The following LINGO2 variants were observed in gnomAD, a reference collection of about 807,000 sequenced individuals.
The protein encoded by LINGO2 is leucine-rich repeat and immunoglobulin-like domain-containing nogo receptor-interacting protein 2.
A neutral mutation model predicts 30.6 loss-of-function variants in LINGO2; 14 were observed. The ratio of observed to expected loss-of-function variants is 0.46; its 90% CI spans 0.30 to 0.72. The LOEUF (loss-of-function observed/expected upper bound fraction) is 0.72, where lower values mean the gene tolerates loss of function less well. Among genes scored for constraint, LINGO2 ranks in the 30% least tolerant of loss-of-function variants. LINGO2 has a pLI of 0.07. For synonymous variants in LINGO2, 317 were observed against 288.5 expected (o/e 1.10, Z -1.00); for missense variants, 729 against 751.7 (o/e 0.97, Z 0.35).
chr9:28,028,317 A>C (rs767571867), intron 4 of LINGO2, among the ~76,000 whole-genome samples: 1 of 152,116 alleles, frequency 6.6e-6, no homozygotes, highest in African/African-American at 2.4e-5. Context: ...TCTTTATTTC[A>C]TCGATTCTCA....
chr9:29,075,013 C>G, the LINGO2 span, among the ~76,000 whole-genome samples: 48 of 152,024 alleles, frequency 3.2e-4, 1 homozygote, highest in African/African-American at 1.2e-3. Flanking sequence ...TTATCATATT[C>G]ATAAATACAC....
intron 4 of LINGO2, among the ~76,000 whole-genome samples, chr9:28,014,881 ACT>A (rs1265434800): frequency 1.3e-5 from 2 of 152,100 alleles, no homozygotes; most frequent in East Asian, 3.8e-4. Context: ...AATTTAGAAA[ACT>A]CTCCAAATAA....
intron 4 of LINGO2, among the ~76,000 whole-genome samples, chr9:28,211,798 G>C (rs1820601589): frequency 6.6e-6 from 1 of 151,154 alleles, no homozygotes; most frequent in Non-Finnish European, 1.5e-5. Context: ...ATTCAGGAGA[G>C]GTTGTCTCCT....
At chr9:28,427,732 G>A (rs74591805) in intron 2 of LINGO2, among the ~76,000 whole-genome samples, 4,821 of 152,100 alleles carry the variant, frequency 0.032, 105 homozygotes, top group Middle Eastern at 0.058. Context: ...CAATGTGTTC[G>A]TTCCAAAGGT....
the LINGO2 span, among the ~76,000 whole-genome samples, chr9:28,999,242 A>G: frequency 6.6e-6 from 1 of 152,106 alleles, no homozygotes; most frequent in Admixed American, 6.6e-5. Context: ...CAGCATAATG[A>G]TAACTCTATC....
the LINGO2 span, among the ~76,000 whole-genome samples, chr9:29,195,248 T>C: frequency 6.6e-6 from 1 of 152,144 alleles, no homozygotes; most frequent in Non-Finnish European, 1.5e-5. Context: ...GATACCACAG[T>C]CTGTTTAACC....
chr9:28,305,332 C>A (rs1824303124), intron 3 of LINGO2, among the ~76,000 whole-genome samples: 1 of 151,918 alleles, frequency 6.6e-6, no homozygotes, highest in Admixed American at 6.6e-5. Flanking sequence ...TGTCAGCTCC[C>A]ATCACTTCTG....
At chr9:28,494,608 A>G (rs1819523569) in intron 1 of LINGO2, among the ~76,000 whole-genome samples, 1 of 152,158 alleles carries the variant, frequency 6.6e-6, no homozygotes, top group Non-Finnish European at 1.5e-5. Context: ...TTCTTAATCC[A>G]GTCTATAATT....
chr9:28,860,465 G>T, the LINGO2 span, among the ~76,000 whole-genome samples: 2 of 151,930 alleles, frequency 1.3e-5, no homozygotes, highest in Admixed American at 1.3e-4. Flanking sequence ...CTGCAAATCT[G>T]CCCTGAGCCT....
intron 1 of LINGO2, among the ~76,000 whole-genome samples, chr9:28,578,585 A>AGT (rs1400238325): frequency 1.3e-5 from 2 of 152,148 alleles, no homozygotes; most frequent in African/African-American, 4.8e-5. Context: ...CAGGAAAAAC[A>AGT]GTTTCCTTGC....
the LINGO2 span, among the ~76,000 whole-genome samples, chr9:28,972,906 A>G: frequency 6.6e-6 from 1 of 152,174 alleles, no homozygotes; most frequent in Non-Finnish European, 1.5e-5. Flanking sequence ...ACCTCCCACC[A>G]GGTCCCTCCC....
chr9:28,793,155 C>T, the LINGO2 span, among the ~76,000 whole-genome samples: 1 of 151,914 alleles, frequency 6.6e-6, no homozygotes, highest in African/African-American at 2.4e-5. Context: ...AATAAAAAGA[C>T]AAGAGACAGA....
intron 4 of LINGO2, among the ~76,000 whole-genome samples, chr9:28,246,584 C>T (rs1822008147): frequency 1.3e-5 from 2 of 152,082 alleles, no homozygotes; most frequent in South Asian, 4.1e-4. Flanking sequence ...CTTCCTTACA[C>T]CTTATAGAAA....
chr9:28,288,091 C>A (rs1340398588), intron 4 of LINGO2, among the ~76,000 whole-genome samples: 1 of 152,102 alleles, frequency 6.6e-6, no homozygotes, highest in African/African-American at 2.4e-5. Flanking sequence ...CATATCTTCC[C>A]TACTTCCGCC....
chr9:28,283,098 C>A (rs983804551), intron 4 of LINGO2, among the ~76,000 whole-genome samples: 1 of 152,104 alleles, frequency 6.6e-6, no homozygotes, highest in Non-Finnish European at 1.5e-5. Flanking sequence ...ACAGAACACA[C>A]GCTAGAAAAC....
chr9:28,464,928 C>A (rs1481906560), intron 2 of LINGO2, among the ~76,000 whole-genome samples: 1 of 152,196 alleles, frequency 6.6e-6, no homozygotes, highest in Non-Finnish European at 1.5e-5. Flanking sequence ...GGCTTGCTTA[C>A]TCAGCCCGCA....
At chr9:29,085,614 G>A in the LINGO2 span, among the ~76,000 whole-genome samples, 1 of 151,968 alleles carries the variant, frequency 6.6e-6, no homozygotes, top group Admixed American at 6.6e-5. Flanking sequence ...GCAATATCAA[G>A]AAATAGCTTA....
intron 1 of LINGO2, among the ~76,000 whole-genome samples, chr9:28,487,761 T>G (rs1826228715): frequency 6.6e-6 from 1 of 152,170 alleles, no homozygotes; most frequent in Non-Finnish European, 1.5e-5. Context: ...TTATTGCTGA[T>G]ATGACACAAA....
At chr9:28,431,340 C>T (rs776184346) in intron 2 of LINGO2, among the ~76,000 whole-genome samples, 8 of 152,050 alleles carry the variant, frequency 5.3e-5, no homozygotes, top group Non-Finnish European at 1.2e-4. Flanking sequence ...CTCTGTTTTC[C>T]TGTCATCTGC....
Sources: allele counts gnomAD v4.1 joint callset (sites outside exome capture counted in the v4.1 genomes callset), GRCh38; gene constraint gnomAD v4.1.1; transcripts MANE v1.5; gene names NCBI Gene and HGNC (gene_info 2026-07-23, HGNC 2026-07-21).